The following GNG7 variants were observed in gnomAD, a reference collection of about 807,000 sequenced individuals.
GNG7 encodes the protein guanine nucleotide-binding protein G(I)/G(S)/G(O) subunit gamma-7.
GNG7 carries 1 observed loss-of-function variant against 4.0 expected under a neutral mutation model. The ratio of observed to expected loss-of-function variants is 0.25; its 90% CI spans 0.09 to 1.18. The LOEUF is 1.18. GNG7 is among the 50% of genes most tolerant of loss of function. GNG7 has a pLI of 0.50. For missense variants in GNG7, 86 were observed against 91.9 expected, an observed-to-expected ratio of 0.94 and a Z score of 0.26; for synonymous variants, 34 against 36.9, an observed-to-expected ratio of 0.92 and a Z score of 0.29.
intron 3 of GNG7, among the ~76,000 whole-genome samples, chr19:2,524,724 G>A (rs1396248955): frequency 6.6e-6 from 1 of 151,948 alleles, no homozygotes; most frequent in Non-Finnish European, 1.5e-5. Context: ...ATGCATGCCA[G>A]TGTGCACGTG....
intron 3 of GNG7, among the ~76,000 whole-genome samples, chr19:2,528,268 C>T (rs1302010909): frequency 3.8e-5 from 2 of 52,490 alleles, no homozygotes; most frequent in Non-Finnish European, 6.7e-5. Context: ...GAGACCCTGT[C>T]TAAAAAAAAA....
chr19:2,628,694 C>T (rs975209633), intron 2 of GNG7, among the ~76,000 whole-genome samples: 1 of 152,102 alleles, frequency 6.6e-6, no homozygotes, highest in Admixed American at 6.6e-5. Context: ...CCTCCCCCAG[C>T]CCCTAGCACC....
intron 1 of GNG7, among the ~76,000 whole-genome samples, chr19:2,652,688 A>G (rs1982862696): frequency 1.3e-5 from 2 of 152,094 alleles, no homozygotes; most frequent in Non-Finnish European, 2.9e-5. Context: ...TTAGTGGTAG[A>G]GGAGGGAAAG....
chr19:2,696,562 G>A (rs1487822101), intron 1 of GNG7, among the ~76,000 whole-genome samples: 1 of 152,224 alleles, frequency 6.6e-6, no homozygotes, highest in South Asian at 2.1e-4. Flanking sequence ...AAGCGGCCGA[G>A]CGTGTGTTGC....
rs1177030061 is a variant in GNG7, at chr19:2,511,584, C to CG, written c.*3437dup. The CG allele has an allele frequency of 6.3e-6, 1 of 158,802 alleles. No individual in the cohort carries two copies. Among genetic ancestry groups the CG allele is most frequent in the Non-Finnish European group, 1.4e-5 (1 of 74,056 alleles). 9.8% of individuals were successfully genotyped at this position (158,802 alleles called of 1,614,324 possible). Reference sequence around the variant, plus strand: ...CTCCACCTCCACCCGGAAGCCCCCCCGGGTCACTCACGGGCGGACAGGTGT... The same window carrying CG: ...CTCCACCTCCACCCGGAAGCCCCCCCGGGGTCACTCACGGGCGGACAGGTGT... On this transcript the variant is annotated 3_prime_UTR_variant, in exon 5 of 5. Coordinates refer to ENST00000382159, the MANE Select transcript of GNG7 (RefSeq NM_052847.3). This position sits in a 1 kb window ranked among gnomAD's most constrained non-coding sequence, Gnocchi z 6.3.
intron 2 of GNG7, among the ~76,000 whole-genome samples, chr19:2,589,288 T>A (rs1345646561): frequency 6.6e-6 from 1 of 150,936 alleles, no homozygotes; most frequent in East Asian, 2.0e-4. Flanking sequence ...AGTGGCGCGA[T>A]ATCAGCTCAC....
intron 1 of GNG7, among the ~76,000 whole-genome samples, chr19:2,689,187 T>TA (rs1209707770): frequency 7.4e-6 from 1 of 135,820 alleles, no homozygotes; most frequent in African/African-American, 2.8e-5. Context: ...TAAACAAAAA[T>TA]AAAAATAATG....
intron 3 of GNG7, among the ~76,000 whole-genome samples, chr19:2,543,686 A>G (rs1305513812): frequency 6.6e-6 from 1 of 152,210 alleles, no homozygotes; most frequent in Non-Finnish European, 1.5e-5. Context: ...CGGCACAGGA[A>G]GTCAGGCTCA....
intron 4 of GNG7, among the ~76,000 whole-genome samples, chr19:2,515,459 T>C (rs1972721066): frequency 6.6e-6 from 1 of 150,710 alleles, no homozygotes; most frequent in African/African-American, 2.4e-5. Context: ...ACAGAGACTC[T>C]ATTTGTCGCC....
chr19:2,621,590 G>A (rs991192048), intron 2 of GNG7, among the ~76,000 whole-genome samples: 3 of 152,008 alleles, frequency 2.0e-5, no homozygotes, highest in African/African-American at 4.8e-5. Flanking sequence ...CCAGCTACTC[G>A]GGAGGCTGAG....
chr19:2,601,410 G>A (rs1037958175), intron 2 of GNG7, among the ~76,000 whole-genome samples: 9 of 152,074 alleles, frequency 5.9e-5, no homozygotes, highest in African/African-American at 1.4e-4. Flanking sequence ...CTGCCACGGC[G>A]CGGCTCGTGC....
At chr19:2,585,318 A>T (rs1286218544) in intron 2 of GNG7, among the ~76,000 whole-genome samples, 2 of 152,194 alleles carry the variant, frequency 1.3e-5, no homozygotes, top group Admixed American at 6.5e-5. Flanking sequence ...CATATAAGTA[A>T]CTATCTTTCT....
intron 1 of GNG7, among the ~76,000 whole-genome samples, chr19:2,695,334 A>G (rs1913219402): frequency 1.3e-5 from 2 of 151,362 alleles, no homozygotes; most frequent in South Asian, 4.2e-4. Context: ...AGCTCCTAGA[A>G]CACACAGGCC....
intron 1 of GNG7, among the ~76,000 whole-genome samples, chr19:2,651,073 C>T (rs970247452): frequency 6.6e-6 from 1 of 152,090 alleles, no homozygotes. Flanking sequence ...GTAGCAGGTG[C>T]CGAATGTCAG....
chr19:2,587,378 C>T lies in GNG7; in HGVS notation c.-77-32190G>A, dbSNP rs571232924. Among the ~76,000 whole-genome samples, 4 of 152,208 alleles carry T rather than the reference C, an allele frequency of 2.6e-5. No individual in the cohort carries two copies. In the East Asian group the frequency reaches 7.7e-4, roughly 29 times the overall value. The stretch of plus-strand genomic sequence containing the variant: ...CTCACCCACGTTCTCAGGTCCTGGG[C>T]GGAAGGGCAGAGGGCTCCCCGGGCA... On this transcript the variant is annotated intron_variant, in intron 2 of 4. Coordinates refer to ENST00000382159, the MANE Select transcript of GNG7 (RefSeq NM_052847.3).
chr19:2,566,760 G>A (rs1979922342), intron 2 of GNG7, among the ~76,000 whole-genome samples: 1 of 152,150 alleles, frequency 6.6e-6, no homozygotes, highest in African/African-American at 2.4e-5. Context: ...TGCTGTGGAC[G>A]ATTTCTCAAT....
intron 1 of GNG7, among the ~76,000 whole-genome samples, chr19:2,652,610 A>T (rs1982860156): frequency 6.6e-6 from 1 of 152,024 alleles, no homozygotes; most frequent in Non-Finnish European, 1.5e-5. Flanking sequence ...ACAGAGCGAG[A>T]CTCCATCTCA....
At chr19:2,581,149 G>T (rs973717984) in intron 2 of GNG7, among the ~76,000 whole-genome samples, 2 of 152,008 alleles carry the variant, frequency 1.3e-5, no homozygotes, top group East Asian at 3.9e-4. Context: ...TTCCATGAAC[G>T]CTGTGGGAAA....
intron 3 of GNG7, among the ~76,000 whole-genome samples, chr19:2,550,873 G>A (rs1367924236): frequency 1.3e-5 from 2 of 152,194 alleles, no homozygotes; most frequent in East Asian, 3.9e-4. Flanking sequence ...GAGTCGCTGA[G>A]TAGGGGGAGC....
Sources: allele counts gnomAD v4.1 joint callset (sites outside exome capture counted in the v4.1 genomes callset), GRCh38; gene constraint gnomAD v4.1.1; non-coding constraint Gnocchi (gnomAD v3.1); transcripts MANE v1.5; gene names NCBI Gene and HGNC (gene_info 2026-07-23, HGNC 2026-07-21).